TMEM116: variants seen among roughly 807,000 people sequenced by gnomAD.
TMEM116 encodes the protein transmembrane protein 116.
A neutral mutation model predicts 44.3 loss-of-function variants in TMEM116; 38 were observed. That is an observed-to-expected ratio of 0.86 (90% confidence interval 0.66 to 1.12). The LOEUF (loss-of-function observed/expected upper bound fraction) is 1.12. TMEM116 is among the 50% of genes most tolerant of loss of function. The pLI, the probability that TMEM116 is intolerant of heterozygous loss-of-function variation, is 0.00. For synonymous variants in TMEM116, 132 were observed against 144.8 expected, an observed-to-expected ratio of 0.91 and a Z score of 0.64; for missense variants, 354 against 401.7, an observed-to-expected ratio of 0.88 and a Z score of 1.01.
chr12:111,966,870 C>T (rs1201332858), intron 4 of TMEM116, among the ~76,000 whole-genome samples: 1 of 152,204 alleles, frequency 6.6e-6, no homozygotes, highest in African/African-American at 2.4e-5. Flanking sequence ...GAAAGAGGCT[C>T]TAATGCCTTA....
chr12:111,958,021 A>G (rs2074282966), intron 4 of TMEM116, among the ~76,000 whole-genome samples: 2 of 152,112 alleles, frequency 1.3e-5, no homozygotes, highest in African/African-American at 4.8e-5. Flanking sequence ...ACTAAGGGTT[A>G]AATGGATTAA....
intron 4 of TMEM116, among the ~76,000 whole-genome samples, chr12:111,979,997 G>A (rs1360039223): frequency 6.6e-6 from 1 of 152,168 alleles, no homozygotes; most frequent in African/African-American, 2.4e-5. Context: ...AGCGGGTACA[G>A]CCACTTTGGA....
chr12:111,978,918 C>A (rs2075802410), intron 4 of TMEM116: 1 of 217,228 alleles, frequency 4.6e-6, no homozygotes, highest in Non-Finnish European at 9.9e-6. Context: ...AAGCAATTCA[C>A]TGGAAAAAGT....
Position 111,931,826 on chromosome 12 carries a change from G to C in TMEM116, c.809C>G (p.Ala270Gly). Reference sequence around the variant, plus strand: ...TAGACCCTGAGATGTTGCCGTTAGAGCCTGGAGGAGATGAAGGGGTGATGC... The same window carrying C: ...TAGACCCTGAGATGTTGCCGTTAGACCCTGGAGGAGATGAAGGGGTGATGC... Reference protein sequence around the residue: ...KLHMALYVLQALTATSQGLLN... With the variant: ...KLHMALYVLQGLTATSQGLLN... The change falls in exon 11 of 11, where the codon GCT becomes GGT. Residue 270 changes from alanine (A) to glycine (G), a missense_variant and splice_region_variant. Ala to Gly is a moderately conservative substitution (Grantham distance 60, BLOSUM62 0). Transcript: ENST00000552374. 1.3e-6 allele frequency: 2 copies of C among 1,505,038 alleles called. No homozygotes were observed. Among genetic ancestry groups the C allele is most frequent in the Non-Finnish European group, 1.8e-6 (2 of 1,130,546 alleles). The allele number at this position is 1,505,038 out of a possible 1,614,324, so 93.2% of individuals were successfully genotyped here. A position where few individuals can be genotyped will look rare whatever the true frequency, so the allele number is the denominator to read the frequency against.
intron 4 of TMEM116, among the ~76,000 whole-genome samples, chr12:111,954,124 T>G (rs551472413): frequency 6.6e-6 from 1 of 152,314 alleles, no homozygotes; most frequent in African/African-American, 2.4e-5. Flanking sequence ...TCCTTTGATA[T>G]CTAAACCATT....
At chr12:112,008,726 C>G (rs923307833) in intron 1 of TMEM116, among the ~76,000 whole-genome samples, 3 of 152,160 alleles carry the variant, frequency 2.0e-5, no homozygotes, top group African/African-American at 7.2e-5. Flanking sequence ...AATCCCAGCA[C>G]TTTGGGAGGC....
At chr12:111,942,309 C>T (rs961425018) in intron 5 of TMEM116, among the ~76,000 whole-genome samples, 3 of 147,880 alleles carry the variant, frequency 2.0e-5, no homozygotes, top group South Asian at 4.3e-4. Context: ...CTCTCTCTGT[C>T]GCCCAGGCTG....
At chr12:111,946,498 G>A (rs962905935) in intron 4 of TMEM116, among the ~76,000 whole-genome samples, 6 of 152,200 alleles carry the variant, frequency 3.9e-5, no homozygotes, top group East Asian at 1.9e-4. Flanking sequence ...TCCTTAAGGC[G>A]CAGATCGCTC....
At chr12:111,983,291 C>A (rs1315412919) in intron 4 of TMEM116, among the ~76,000 whole-genome samples, 1 of 152,080 alleles carries the variant, frequency 6.6e-6, no homozygotes, top group Non-Finnish European at 1.5e-5. Context: ...CAAAAATTAG[C>A]TGGGCATGGT....
At chr12:111,955,356 A>T (rs907888129) in intron 4 of TMEM116, among the ~76,000 whole-genome samples, 3 of 152,174 alleles carry the variant, frequency 2.0e-5, no homozygotes, top group Non-Finnish European at 4.4e-5. Flanking sequence ...GGTAAACAGA[A>T]ATCTTAGTGC....
intron 4 of TMEM116, among the ~76,000 whole-genome samples, chr12:111,943,975 C>A (rs544409271): frequency 6.6e-6 from 1 of 152,240 alleles, no homozygotes; most frequent in Admixed American, 6.5e-5. Context: ...ATCATATAAT[C>A]TTTTTCTATT....
intron 4 of TMEM116, among the ~76,000 whole-genome samples, chr12:111,962,605 T>C (rs565640911): frequency 6.6e-6 from 1 of 152,326 alleles, no homozygotes; most frequent in East Asian, 1.9e-4. Context: ...AAAAACTGGC[T>C]AGCCATGTGC....
At chr12:111,940,455 T>A (rs2072635269) in intron 5 of TMEM116, among the ~76,000 whole-genome samples, 1 of 136,236 alleles carries the variant, frequency 7.3e-6, no homozygotes, top group Non-Finnish European at 1.6e-5. Flanking sequence ...CTCAATCTCC[T>A]GCCCCCCACA....
rs573924810 is a variant in TMEM116 at position 111,953,537 on chromosome 12, A to G, written c.211-10168T>C. 1.2e-4 allele frequency among the ~76,000 whole-genome samples: 18 copies of G among 152,312 alleles called. 1 individual carries two copies. Among genetic ancestry groups the G allele is most frequent in the Admixed American group, 7.2e-4 (11 of 15,288 alleles). ...CTGATAATAAGAACCATCACAAAAGATCCTGCAAAAATCACAACATTGCAC... is the reference window on the plus strand; with the variant it reads ...CTGATAATAAGAACCATCACAAAAGGTCCTGCAAAAATCACAACATTGCAC... On this transcript the variant is annotated intron_variant, in intron 4 of 10. Coordinates refer to ENST00000552374, the MANE Select transcript of TMEM116 (RefSeq NM_001193531.2).
chr12:112,005,839 G>A, intron 1 of TMEM116: 1 of 887,598 alleles, frequency 1.1e-6, no homozygotes, highest in Non-Finnish European at 1.4e-6. Context: ...GTAAAACAGA[G>A]AAACTGAAGA....
chr12:111,938,120 G>T, intron 6 of TMEM116, 41 bp downstream of exon 6: 1 of 1,410,886 alleles, frequency 7.1e-7, no homozygotes, highest in South Asian at 1.3e-5. Context: ...CCAGAATAAT[G>T]AGAGTCTACA....
chr12:111,948,208 G>A (rs1178874542), intron 4 of TMEM116, among the ~76,000 whole-genome samples: 2 of 152,128 alleles, frequency 1.3e-5, no homozygotes, highest in African/African-American at 4.8e-5. Flanking sequence ...ATTCCTCCCT[G>A]CTCAGCCACC....
chr12:111,957,609 T>A (rs1453834522), intron 4 of TMEM116, among the ~76,000 whole-genome samples: 1 of 148,338 alleles, frequency 6.7e-6, no homozygotes, highest in Non-Finnish European at 1.5e-5. Flanking sequence ...AGCCGCCCCG[T>A]CCGGGAGGTG....
intron 4 of TMEM116, among the ~76,000 whole-genome samples, chr12:111,966,078 G>A (rs1044101418): frequency 5.3e-5 from 8 of 152,098 alleles, no homozygotes; most frequent in African/African-American, 1.9e-4. Context: ...AGGCTGAGGC[G>A]GCTGATCACC....
Sources: allele counts gnomAD v4.1 joint callset (sites outside exome capture counted in the v4.1 genomes callset), GRCh38; gene constraint gnomAD v4.1.1; transcripts MANE v1.5; gene names NCBI Gene and HGNC (gene_info 2026-07-23, HGNC 2026-07-21).